OXCT1: variants seen among roughly 807,000 people sequenced by gnomAD.
OXCT1 encodes succinyl-CoA:3-ketoacid coenzyme A transferase 1, mitochondrial.
Under a neutral mutation model 69.6 loss-of-function variants are expected in OXCT1, and 27 were observed. That is an observed-to-expected ratio of 0.39 (90% CI 0.29 to 0.54). OXCT1 has a LOEUF of 0.54. Among genes scored for constraint, OXCT1 ranks in the 20% least tolerant of loss-of-function variants. The pLI, the probability that OXCT1 is intolerant of heterozygous loss-of-function variation, is 0.72. For missense variants in OXCT1, 437 were observed against 650.2 expected (o/e 0.67, Z 3.57); for synonymous variants, 202 against 217.8 (o/e 0.93, Z 0.64).
intron 13 of OXCT1, among the ~76,000 whole-genome samples, chr5:41,789,117 A>C (rs1745792554): frequency 6.6e-6 from 1 of 152,222 alleles, no homozygotes; most frequent in Non-Finnish European, 1.5e-5. Flanking sequence ...ATTAGAGAAA[A>C]AAGGTTTCAA....
In OXCT1 at chr5:41,862,762, A is replaced by G. The variant is rs748675329; in HGVS notation, c.79-12T>C. ...GAACAAACACATCCCTGAAATATTAAAAAAAAAAAATTGATAATCATTTGG... is the reference window on the plus strand; with the variant it reads ...GAACAAACACATCCCTGAAATATTAGAAAAAAAAAATTGATAATCATTTGG... On this transcript the variant is annotated splice_polypyrimidine_tract_variant and intron_variant, in intron 1 of 16. Coordinates refer to ENST00000196371, the MANE Select transcript of OXCT1 (RefSeq NM_000436.4). The G allele has an allele frequency of 2.1e-5, 32 of 1,489,042 alleles. No individual in the cohort carries two copies. The East Asian group carries it at 7.3e-4, about 34-fold the overall frequency. 92.2% of individuals were successfully genotyped at this position (1,489,042 alleles called of 1,614,324 possible).
At chr5:41,834,507 AAACAG>A (rs1748261932) in intron 7 of OXCT1, among the ~76,000 whole-genome samples, 2 of 151,588 alleles carry the variant, frequency 1.3e-5, no homozygotes. Context: ...AAAAAAAACA[AAACAG>A]AACAGGAGTA....
chr5:41,867,851 T>TA (rs1242494613), intron 1 of OXCT1, among the ~76,000 whole-genome samples: 1 of 152,232 alleles, frequency 6.6e-6, no homozygotes, highest in South Asian at 2.1e-4. Flanking sequence ...AATAATTTTC[T>TA]ATAGTGAAAA....
Position 41,805,643 on chromosome 5 carries a change from T to G in OXCT1, c.879A>C (p.Lys293Asn). The change falls in exon 9 of 17, where the codon AAA becomes AAC. Residue 293 changes from lysine (K) to asparagine (N), a missense_variant. By Grantham distance (94) the Lys-to-Asn change is moderately conservative. Around this residue, in one of 4 missense-constraint regions of OXCT1, gnomAD observed 252 missense variants for 397.4 expected, o/e 0.63. Transcript: ENST00000196371. ...TTACGTCATCTCCAGGTTTAGCAGATTTGGCTTCCCCATCTCCCTCTTTCC... is the reference window on the plus strand; with the variant it reads ...TTACGTCATCTCCAGGTTTAGCAGAGTTGGCTTCCCCATCTCCCTCTTTCC... Reference protein sequence around the residue: ...SIRKEGDGEAKSAKPGDDVRE... With the variant: ...SIRKEGDGEANSAKPGDDVRE... The G allele has an allele frequency of 1.9e-6, 3 of 1,612,968 alleles. No homozygotes were observed. Among genetic ancestry groups the G allele is most frequent in the Non-Finnish European group, 2.5e-6 (3 of 1,179,218 alleles).
chr5:41,748,075 G>T (rs1743592217), intron 15 of OXCT1, among the ~76,000 whole-genome samples: 2 of 152,064 alleles, frequency 1.3e-5, no homozygotes, highest in Admixed American at 1.3e-4. Flanking sequence ...TAAAATGATA[G>T]TAAAGTTAAA....
intron 7 of OXCT1, among the ~76,000 whole-genome samples, chr5:41,831,480 C>A (rs1279998903): frequency 6.6e-6 from 1 of 152,150 alleles, no homozygotes; most frequent in East Asian, 1.9e-4. Context: ...AAATATACTA[C>A]ATATTTTACT....
chr5:41,828,947 G>A (rs765695478), intron 7 of OXCT1, among the ~76,000 whole-genome samples: 91 of 152,188 alleles, frequency 6.0e-4, no homozygotes, highest in Non-Finnish European at 7.2e-4. Flanking sequence ...CTCTCAGACT[G>A]TATAAAAACA....
intron 4 of OXCT1, among the ~76,000 whole-genome samples, chr5:41,850,773 G>A (rs2112442276): frequency 6.6e-6 from 1 of 152,258 alleles, no homozygotes; most frequent in South Asian, 2.1e-4. Context: ...TGCAAGCAAA[G>A]TTACTTTGTA....
intron 1 of OXCT1, among the ~76,000 whole-genome samples, chr5:41,865,551 G>A (rs1040845059): frequency 4.6e-5 from 7 of 152,042 alleles, no homozygotes; most frequent in African/African-American, 1.7e-4. Flanking sequence ...TTACTAACAG[G>A]TCAACTTATA....
At chr5:41,803,816 C>T (rs960985573) in intron 9 of OXCT1, among the ~76,000 whole-genome samples, 1 of 152,004 alleles carries the variant, frequency 6.6e-6, no homozygotes, top group East Asian at 1.9e-4. Flanking sequence ...GAATTGTCTT[C>T]CTTAAATGAT....
intron 4 of OXCT1, among the ~76,000 whole-genome samples, chr5:41,853,150 G>T (rs1040403098): frequency 6.6e-6 from 1 of 152,038 alleles, no homozygotes; most frequent in African/African-American, 2.4e-5. Context: ...CCTTTTGTAT[G>T]CTTCTGGCAC....
intron 7 of OXCT1, among the ~76,000 whole-genome samples, chr5:41,831,143 A>G (rs1326313226): frequency 6.6e-6 from 1 of 152,238 alleles, no homozygotes; most frequent in East Asian, 1.9e-4. Flanking sequence ...ACAGTCTTTG[A>G]AAAACATATT....
intron 13 of OXCT1, among the ~76,000 whole-genome samples, chr5:41,769,107 A>AG (rs1744756404): frequency 6.6e-6 from 1 of 152,122 alleles, no homozygotes; most frequent in Non-Finnish European, 1.5e-5. Flanking sequence ...TATCCACATG[A>AG]TTATTTTAGG....
In OXCT1 at chr5:41,808,905, C is replaced by T. The variant is rs549107765; in HGVS notation, c.733-1467G>A. Among the ~76,000 whole-genome samples the T allele has an allele frequency of 2.6e-5, 4 of 152,158 alleles. No homozygotes were observed. The South Asian group carries it at 6.2e-4, about 24-fold the overall frequency. On this transcript the variant is annotated intron_variant, in intron 7 of 16. Coordinates refer to ENST00000196371, the MANE Select transcript of OXCT1 (RefSeq NM_000436.4). Reference sequence around the variant, plus strand: ...TCTTGACTTTAAAAATGTGTTTATACATTAATCCAGTATCCTGAGGATAGA... The same window carrying T: ...TCTTGACTTTAAAAATGTGTTTATATATTAATCCAGTATCCTGAGGATAGA...
At chr5:41,859,864 A>AATATATATATATATATTAC (rs1749634621) in intron 3 of OXCT1, among the ~76,000 whole-genome samples, 50 of 120,122 alleles carry the variant, frequency 4.2e-4, no homozygotes, top group African/African-American at 1.4e-3. Context: ...CTAGTATAGT[A>AATATATATATATATATTAC]ATATATATAT....
At chr5:41,814,927 C>T (rs1049811595) in intron 7 of OXCT1, among the ~76,000 whole-genome samples, 1 of 151,980 alleles carries the variant, frequency 6.6e-6, no homozygotes, top group Admixed American at 6.6e-5. Flanking sequence ...TGTTTGCTGT[C>T]CAGCCTCAAA....
At chr5:41,852,191 A>G (rs1749205549) in intron 4 of OXCT1, among the ~76,000 whole-genome samples, 3 of 152,320 alleles carry the variant, frequency 2.0e-5, no homozygotes, top group Admixed American at 6.5e-5. Flanking sequence ...AGACTAAGAC[A>G]TCTTTGTTTT....
intron 1 of OXCT1, among the ~76,000 whole-genome samples, chr5:41,869,227 G>A (rs1056745171): frequency 6.6e-6 from 1 of 152,222 alleles, no homozygotes; most frequent in Admixed American, 6.5e-5. Context: ...GTTCTCAGCG[G>A]TCAGGGATTG....
At chr5:41,757,211 G>C (rs1343169773) in intron 14 of OXCT1, among the ~76,000 whole-genome samples, 1 of 151,992 alleles carries the variant, frequency 6.6e-6, no homozygotes, top group Non-Finnish European at 1.5e-5. Context: ...TTCTCGCTTT[G>C]TTCTTTGACT....
Sources: gnomAD v4.1 joint callset for allele counts (sites outside exome capture counted in the v4.1 genomes callset) on GRCh38, gnomAD v4.1.1 for gene constraint, gnomAD v4.1.1 regional missense constraint, MANE v1.5 for transcripts, NCBI Gene and HGNC (gene_info 2026-07-23, HGNC 2026-07-21) for gene names.